Variants in SENP5 observed in about 807,000 individuals in gnomAD.
SENP5 encodes sentrin-specific protease 5.
In SENP5, 21 loss-of-function variants were observed where a neutral mutation model predicts 74.2. That is an observed-to-expected ratio of 0.28 (90% CI 0.20 to 0.41). The LOEUF (loss-of-function observed/expected upper bound fraction) is 0.41. Ranked by LOEUF, SENP5 falls within the 10% of genes least tolerant of loss-of-function variation. The probability of loss-of-function intolerance (pLI) is 1.00; values close to 1 mark genes in which losing one functional copy is unlikely to be tolerated. For missense variants in SENP5, 717 were observed against 889.1 expected (o/e 0.81, Z 2.46); for synonymous variants, 311 against 312.7 (o/e 0.99, Z 0.06).
chr3:196,923,038 C>G (rs934826974), intron 6 of SENP5, among the ~76,000 whole-genome samples: 2 of 152,130 alleles, frequency 1.3e-5, no homozygotes, highest in Non-Finnish European at 2.9e-5. Context: ...CAGGTGTGAG[C>G]CACCGTGCCT....
At chr3:196,929,220 C>T (rs1325656453) in intron 8 of SENP5, 3 of 177,970 alleles carry the variant, frequency 1.7e-5, no homozygotes, top group Admixed American at 6.3e-5. Context: ...AGGACAGGGT[C>T]GTGTGATGTG....
Position 196,930,693 on chromosome 3 carries a change from GC to G in SENP5, c.2158-118del, listed in dbSNP as rs1716002851. On this transcript the variant is annotated intron_variant, in intron 9 of 9. Coordinates refer to ENST00000323460, the MANE Select transcript of SENP5 (RefSeq NM_152699.5). ...GCCTTACACGTAACCAGTCCCTGGTGCCAAAAAGGTTGGGGTCTTCTGCCTT... is the reference window on the plus strand; with the variant it reads ...GCCTTACACGTAACCAGTCCCTGGTGCAAAAAGGTTGGGGTCTTCTGCCTT... 5 of 675,362 alleles carry G rather than the reference GC, an allele frequency of 7.4e-6. No individual in the cohort carries two copies. The South Asian group carries it at 8.9e-5, about 12-fold the overall frequency. 41.8% of individuals were successfully genotyped at this position (675,362 alleles called of 1,614,324 possible). A position where few individuals can be genotyped will look rare whatever the true frequency, so the allele number is the denominator to read the frequency against.
At chr3:196,890,198 G>C (rs146821531) in intron 2 of SENP5, among the ~76,000 whole-genome samples, 49 of 152,312 alleles carry the variant, frequency 3.2e-4, no homozygotes, top group Middle Eastern at 3.4e-3. Context: ...ACCATCCTCT[G>C]AGAAAAGCCA....
chr3:196,880,269 CAG>C (rs1365318304), intron 1 of SENP5, among the ~76,000 whole-genome samples: 1 of 152,114 alleles, frequency 6.6e-6, no homozygotes, highest in Non-Finnish European at 1.5e-5. Flanking sequence ...TTTAAGGAGA[CAG>C]AGTCTTGCTA....
chr3:196,903,315 T>C (rs1306542440), intron 5 of SENP5, among the ~76,000 whole-genome samples: 1 of 152,148 alleles, frequency 6.6e-6, no homozygotes, highest in East Asian at 1.9e-4. Flanking sequence ...AATTTTTGTA[T>C]TTTTAGGAGA....
At chr3:196,896,688 G>C (rs1203375452) in intron 2 of SENP5, among the ~76,000 whole-genome samples, 1 of 152,056 alleles carries the variant, frequency 6.6e-6, no homozygotes, top group East Asian at 1.9e-4. Flanking sequence ...CTTGACCTCA[G>C]GTGATCCACC....
In SENP5 at chr3:196,932,815, T is replaced by TCAAG. The variant is rs2108872311; in HGVS notation, c.*1892_*1893insCAAG. 6.8e-6 allele frequency: 1 copy of TCAAG among 146,880 alleles called. No individual in the cohort carries two copies. Among genetic ancestry groups the TCAAG allele is most frequent in the South Asian group, 2.2e-4 (1 of 4,548 alleles). 9.1% of individuals were successfully genotyped at this position (146,880 alleles called of 1,614,324 possible). The stretch of plus-strand genomic sequence containing the variant: ...TGGGCTGTCAGTTCAAAATGTCTTG[T>TCAAG]ACTTCAGAGTGAGGAAGTGTTTCAG... On this transcript the variant is annotated 3_prime_UTR_variant, in exon 10 of 10. Coordinates refer to ENST00000323460, the MANE Select transcript of SENP5 (RefSeq NM_152699.5).
chr3:196,923,904 A>T (rs1284234008), intron 7 of SENP5, among the ~76,000 whole-genome samples: 1 of 152,242 alleles, frequency 6.6e-6, no homozygotes, highest in Non-Finnish European at 1.5e-5. Context: ...AATGGAATCA[A>T]TTGACAAAAT....
intron 1 of SENP5, among the ~76,000 whole-genome samples, chr3:196,880,117 T>C (rs563837331): frequency 1.3e-5 from 2 of 152,212 alleles, no homozygotes; most frequent in South Asian, 4.1e-4. Flanking sequence ...GGCTAATTTT[T>C]GTATTTTTGG....
intron 1 of SENP5, among the ~76,000 whole-genome samples, chr3:196,868,736 A>G (rs368827128): frequency 2.0e-5 from 3 of 152,254 alleles, no homozygotes; most frequent in African/African-American, 4.8e-5. Flanking sequence ...CACCGCAGGT[A>G]AAGTGGGACT....
At chr3:196,930,276 TGATG>T (rs950177406) in intron 9 of SENP5, among the ~76,000 whole-genome samples, 2 of 152,164 alleles carry the variant, frequency 1.3e-5, no homozygotes, top group Non-Finnish European at 2.9e-5. Context: ...TTAAGGGCCA[TGATG>T]GGTCTAGCTG....
At position 196,930,940 on chromosome 3, in the gene SENP5, T is replaced by TG. The variant is rs1291957071; in HGVS notation, c.*20dup. 1 of 1,546,416 alleles carries TG rather than the reference T, an allele frequency of 6.5e-7. No homozygotes were observed. Among genetic ancestry groups the TG allele is most frequent in the Admixed American group, 1.7e-5 (1 of 59,884 alleles). On this transcript the variant is annotated 3_prime_UTR_variant, in exon 10 of 10. Transcript: ENST00000323460. ...ATGGACTGAAACTCAGCAGGGACTC[T>TG]GGGAAGTCTGACCAAGTTGGAGCAG... is the stretch of plus-strand genomic sequence containing the variant.
At chr3:196,900,493 G>A (rs969674690) in intron 5 of SENP5, 81 bp downstream of exon 5, 1 of 1,116,840 alleles carries the variant, frequency 9.0e-7, no homozygotes, top group Admixed American at 2.4e-5. Flanking sequence ...TACATTTGAT[G>A]TAATTATCTG....
At chr3:196,916,114 C>G (rs958947558) in intron 6 of SENP5, among the ~76,000 whole-genome samples, 5 of 152,070 alleles carry the variant, frequency 3.3e-5, no homozygotes, top group African/African-American at 1.2e-4. Context: ...CACCTGAGGT[C>G]AGGAGTTCCA....
intron 2 of SENP5, among the ~76,000 whole-genome samples, chr3:196,892,783 C>T (rs1183326679): frequency 2.6e-5 from 4 of 152,082 alleles, no homozygotes; most frequent in African/African-American, 9.7e-5. Flanking sequence ...ACTTTAGATT[C>T]CACATGTAAG....
At chr3:196,870,510 G>A (rs1477043684) in intron 1 of SENP5, among the ~76,000 whole-genome samples, 1 of 151,978 alleles carries the variant, frequency 6.6e-6, no homozygotes, top group Non-Finnish European at 1.5e-5. Context: ...CATGTTTATA[G>A]CATGTTGATT....
rs748998562 is a variant in SENP5, at chr3:196,900,351, T to A, written c.1759-14T>A. ...GCAGAGATAGTAAGCTGGTTTTATG[T>A]TGACTTTTTATAGGTCATTAATATG... is the stretch of plus-strand genomic sequence containing the variant. On this transcript the variant is annotated splice_polypyrimidine_tract_variant and intron_variant, in intron 4 of 9. Coordinates refer to ENST00000323460, the MANE Select transcript of SENP5 (RefSeq NM_152699.5). 1.2e-5 allele frequency: 19 copies of A among 1,596,436 alleles called. No individual in the cohort carries two copies. Among genetic ancestry groups the A allele is most frequent in the Non-Finnish European group, 1.5e-5 (18 of 1,174,292 alleles).
intron 8 of SENP5, 186 bp from the exon 9 acceptor site, chr3:196,929,447 C>T: frequency 5.8e-6 from 3 of 519,708 alleles, no homozygotes; most frequent in South Asian, 2.8e-5. Context: ...GGGGTTGCCA[C>T]CTGATAGCTC....
At position 196,903,616 on chromosome 3, in the gene SENP5, CTCTT is replaced by C. The variant is rs1453757302; in HGVS notation, c.1884+8_1884+11del. The C allele has an allele frequency of 2.7e-5, 41 of 1,542,816 alleles. No homozygotes were observed. The highest frequency in any genetic ancestry group is 3.6e-5 in the Non-Finnish European group (41 of 1,131,668). On this transcript the variant is annotated splice_region_variant and intron_variant, in intron 6 of 9. Coordinates refer to ENST00000323460, the MANE Select transcript of SENP5 (RefSeq NM_152699.5). ...TAAAAAGATGGACTAAAAAGGTATT[CTCTT>C]TATTTCTTTTTTATTCCAAATTTGA...
Sources: gnomAD v4.1 joint callset for allele counts (sites outside exome capture counted in the v4.1 genomes callset) on GRCh38, gnomAD v4.1.1 for gene constraint, MANE v1.5 for transcripts, NCBI Gene and HGNC (gene_info 2026-07-23, HGNC 2026-07-21) for gene names.